TUSC3: variants seen among roughly 807,000 people sequenced by gnomAD.
TUSC3 encodes tumor suppressor candidate 3, also known as dolichyl-diphosphooligosaccharide--protein glycosyltransferase subunit TUSC3.
Under a neutral mutation model 44.8 loss-of-function variants are expected in TUSC3, and 45 were observed. The ratio of observed to expected loss-of-function variants is 1.00; its 90% CI spans 0.79 to 1.29. The LOEUF (loss-of-function observed/expected upper bound fraction) is 1.29. Among genes scored for constraint, TUSC3 ranks in the 50% most tolerant of loss-of-function variants. The pLI is 0.00. For missense variants in TUSC3, 519 were observed against 437.9 expected, an observed-to-expected ratio of 1.19 and a Z score of -1.65; for synonymous variants, 212 against 152.9, an observed-to-expected ratio of 1.39 and a Z score of -2.85.
chr8:15,785,805 C>A, the TUSC3 span, among the ~76,000 whole-genome samples: 2 of 145,950 alleles, frequency 1.4e-5, no homozygotes, highest in East Asian at 2.1e-4. Context: ...AATGAGCTAA[C>A]GTGCCAGGAA....
At chr8:15,824,071 G>T in the TUSC3 span, among the ~76,000 whole-genome samples, 1 of 152,156 alleles carries the variant, frequency 6.6e-6, no homozygotes, top group Non-Finnish European at 1.5e-5. Flanking sequence ...ATCAACTACA[G>T]CTAAGCTGCA....
intron 9 of TUSC3, among the ~76,000 whole-genome samples, chr8:15,751,658 A>G (rs888147654): frequency 1.4e-5 from 2 of 146,960 alleles, no homozygotes. Context: ...TCTTAGGCAC[A>G]TCCAAAAGAA....
chr8:15,795,536 G>A, the TUSC3 span, among the ~76,000 whole-genome samples: 1 of 152,144 alleles, frequency 6.6e-6, no homozygotes, highest in Non-Finnish European at 1.5e-5. Flanking sequence ...GCCTCATTTT[G>A]GAGGGATCTT....
intron 1 of TUSC3, among the ~76,000 whole-genome samples, chr8:15,542,422 G>A (rs1056355712): frequency 6.6e-6 from 1 of 151,926 alleles, no homozygotes; most frequent in Non-Finnish European, 1.5e-5. Flanking sequence ...GGTATAATGA[G>A]CATGTCTGGC....
chr8:15,634,131 A>G (rs183403956), intron 2 of TUSC3, among the ~76,000 whole-genome samples: 1 of 152,320 alleles, frequency 6.6e-6, no homozygotes, highest in Non-Finnish European at 1.5e-5. Flanking sequence ...CAAAGACAAG[A>G]TGGTATTAAA....
chr8:15,577,809 T>C (rs1367837324), intron 1 of TUSC3, among the ~76,000 whole-genome samples: 15 of 147,638 alleles, frequency 1.0e-4, no homozygotes, highest in East Asian at 7.9e-4. Context: ...TCTTTTTTGG[T>C]TCCATATGAA....
intron 2 of TUSC3, among the ~76,000 whole-genome samples, chr8:15,506,957 G>A (rs575049657): frequency 2.1e-4 from 32 of 152,178 alleles, no homozygotes; most frequent in African/African-American, 7.2e-4. Flanking sequence ...CTTTTTGTCT[G>A]GTCATATTTC....
At chr8:15,699,037 A>C (rs1809287645) in intron 6 of TUSC3, among the ~76,000 whole-genome samples, 1 of 152,018 alleles carries the variant, frequency 6.6e-6, no homozygotes, top group Non-Finnish European at 1.5e-5. Flanking sequence ...TTGTAGAGAC[A>C]GGGTCTTGCT....
intron 8 of TUSC3, among the ~76,000 whole-genome samples, chr8:15,744,904 A>T (rs75994940): frequency 0.02 from 2,976 of 152,102 alleles, 101 homozygotes; most frequent in African/African-American, 0.067. Flanking sequence ...TCACCCAATA[A>T]TGAGCTTAGT....
chr8:15,788,407 C>T, the TUSC3 span, among the ~76,000 whole-genome samples: 1 of 151,988 alleles, frequency 6.6e-6, no homozygotes, highest in Non-Finnish European at 1.5e-5. Flanking sequence ...ATTAGCCGGG[C>T]TTGGTGGCAG....
chr8:15,839,375 G>A, the TUSC3 span, among the ~76,000 whole-genome samples: 1 of 152,010 alleles, frequency 6.6e-6, no homozygotes, highest in Non-Finnish European at 1.5e-5. Context: ...GATTGCCCTG[G>A]CCAGAACTCC....
chr8:15,671,079 G>T (rs904533758), intron 5 of TUSC3, among the ~76,000 whole-genome samples: 2 of 151,862 alleles, frequency 1.3e-5, no homozygotes, highest in African/African-American at 4.8e-5. Context: ...CTCGTGTACT[G>T]TTATTTGGAA....
In TUSC3 at chr8:15,662,265, A is replaced by G. The variant is rs146409575; in HGVS notation, c.677A>G (p.Tyr226Cys). Residue 226 changes from tyrosine (Y) to cysteine (C), a missense_variant, in exon 5 of 11, where the codon TAT (tyrosine) becomes TGT (cysteine). By Grantham distance (194) the Tyr-to-Cys change is radical. Coordinates refer to ENST00000503731, the MANE Select transcript of TUSC3 (RefSeq NM_006765.4). ...AGAAGGAACAACTTGGAGTTCATCT[A>G]TAACAAGACTGGTTGGGCCATGGTG... ...YLRRNNLEFI[Y>C]NKTGWAMVSL... 32 of 1,613,000 alleles carry G rather than the reference A, an allele frequency of 2.0e-5. No individual in the cohort carries two copies. The highest frequency in any genetic ancestry group is 2.6e-5 in the Non-Finnish European group (31 of 1,179,278).
At chr8:15,847,945 G>A in the TUSC3 span, among the ~76,000 whole-genome samples, 1 of 152,128 alleles carries the variant, frequency 6.6e-6, no homozygotes, top group Non-Finnish European at 1.5e-5. Context: ...CTTTCTTTCA[G>A]AAAATATTAA....
At position 15,461,399 on chromosome 8, in the gene TUSC3, T is replaced by C. The variant is rs556406528; in HGVS notation, n.92-21987T>C. On this transcript the variant is annotated intron_variant and non_coding_transcript_variant, in intron 1 of 5. Transcript: ENST00000503191. ...ACATTAATTTTGTATCCAGAAACTT[T>C]ACTGAATTCTTTTATCAGTTCTAGG... Among the ~76,000 whole-genome samples, 23 of 152,258 alleles carry C rather than the reference T, an allele frequency of 1.5e-4. 1 individual carries two copies. Among genetic ancestry groups the C allele is most frequent in the African/African-American group, 5.1e-4 (21 of 41,562 alleles).
intron 6 of TUSC3, among the ~76,000 whole-genome samples, chr8:15,722,831 T>TA (rs35213330): frequency 0.4 from 60,979 of 150,922 alleles, 12,553 homozygotes; most frequent in East Asian, 0.59. Context: ...ACTGTTTAAA[T>TA]AAAAAAAAAC....
intron 1 of TUSC3, among the ~76,000 whole-genome samples, chr8:15,590,705 T>C (rs1175307250): frequency 6.6e-6 from 1 of 152,066 alleles, no homozygotes; most frequent in Non-Finnish European, 1.5e-5. Context: ...AGGGTTTTGC[T>C]CTGTTGCCCA....
intron 8 of TUSC3, among the ~76,000 whole-genome samples, 178 bp from the exon 9 acceptor site, chr8:15,748,197 A>G (rs928145684): frequency 2.6e-5 from 4 of 152,084 alleles, no homozygotes; most frequent in Non-Finnish European, 5.9e-5. Flanking sequence ...ATTGAGAAGA[A>G]TGTGGAAAAT....
intron 1 of TUSC3, among the ~76,000 whole-genome samples, chr8:15,594,315 G>C (rs1463829785): frequency 6.6e-6 from 1 of 152,108 alleles, no homozygotes. Context: ...TGAGCATGTA[G>C]ATTACAGCTT....
Sources: allele counts gnomAD v4.1 joint callset (sites outside exome capture counted in the v4.1 genomes callset), GRCh38; gene constraint gnomAD v4.1.1; transcripts MANE v1.5; gene names NCBI Gene and HGNC (gene_info 2026-07-23, HGNC 2026-07-21).